Variants in DISC1 observed in about 807,000 individuals in gnomAD.
DISC1 encodes the protein DISC1 scaffold protein.
DISC1 carries 57 observed loss-of-function variants against 84.5 expected under a neutral mutation model. The observed-to-expected ratio is 0.67, with a 90% CI of 0.55 to 0.84. The LOEUF (loss-of-function observed/expected upper bound fraction) is 0.84. DISC1 is among the 40% of genes least tolerant of loss of function. The pLI is 0.00. For missense variants in DISC1, 1,000 were observed against 1,057.8 expected (o/e 0.95, Z 0.76); for synonymous variants, 411 against 415.2 (o/e 0.99, Z 0.12).
intron 9 of DISC1, among the ~76,000 whole-genome samples, chr1:231,873,690 C>A (rs2085634857): frequency 6.6e-6 from 1 of 152,136 alleles, no homozygotes; most frequent in South Asian, 2.1e-4. Flanking sequence ...ATAATTAGAT[C>A]ATTCCCGCAG....
At chr1:231,668,615 CT>C (rs1558287151) in intron 1 of DISC1, among the ~76,000 whole-genome samples, 1 of 152,152 alleles carries the variant, frequency 6.6e-6, no homozygotes. Context: ...TCTCATTTCC[CT>C]TTGTTATAAA....
intron 9 of DISC1, among the ~76,000 whole-genome samples, chr1:231,832,963 C>G (rs182047689): frequency 2.5e-5 from 2 of 78,754 alleles, no homozygotes; most frequent in African/African-American, 4.4e-5. Context: ...TGGCATTGAG[C>G]AGGCTAAGGG....
At chr1:231,880,756 TGG>T (rs3084383) in intron 9 of DISC1, among the ~76,000 whole-genome samples, 135,293 of 150,720 alleles carry the variant, frequency 0.9, 60,617 homozygotes, top group East Asian at 0.99. Flanking sequence ...CAAGGCAAGG[TGG>T]GGGGGGGGTG....
chr1:231,988,910 C>T (rs1412304209), intron 10 of DISC1, among the ~76,000 whole-genome samples: 2 of 152,192 alleles, frequency 1.3e-5, no homozygotes, highest in African/African-American at 4.8e-5. Flanking sequence ...GTGCCATGTG[C>T]CCCGAACAAT....
chr1:231,673,928 CATG>C (rs2062875700), intron 1 of DISC1, among the ~76,000 whole-genome samples: 2 of 152,212 alleles, frequency 1.3e-5, no homozygotes, highest in African/African-American at 4.8e-5. Context: ...TGCTCTAAGA[CATG>C]TGCATTTATC....
chr1:232,017,730 T>A (rs1668616262), intron 11 of DISC1, among the ~76,000 whole-genome samples: 1 of 152,152 alleles, frequency 6.6e-6, no homozygotes, highest in Non-Finnish European at 1.5e-5. Flanking sequence ...AGGGTGGAAG[T>A]AACTGATGAC....
At chr1:231,838,091 G>A (rs2082754147) in intron 9 of DISC1, among the ~76,000 whole-genome samples, 2 of 152,186 alleles carry the variant, frequency 1.3e-5, no homozygotes, top group Admixed American at 1.3e-4. Context: ...GGTCTCTACA[G>A]TTTTGAAATT....
chr1:231,777,388 T>C (rs899342928), intron 6 of DISC1, among the ~76,000 whole-genome samples: 4 of 152,130 alleles, frequency 2.6e-5, no homozygotes, highest in Admixed American at 6.5e-5. Flanking sequence ...GCCAGGCTAA[T>C]TTTTTAATTT....
chr1:231,972,141 A>G (rs1288595543), intron 10 of DISC1, among the ~76,000 whole-genome samples: 1 of 152,236 alleles, frequency 6.6e-6, no homozygotes, highest in East Asian at 1.9e-4. Context: ...GTCTGTCTCT[A>G]GAATTTTCTT....
chr1:231,826,775 T>C lies in DISC1; in HGVS notation c.1981+8258T>C, dbSNP rs1219338588. Among the ~76,000 whole-genome samples the C allele has an allele frequency of 2.0e-5, 3 of 152,212 alleles. No individual in the cohort carries two copies. Among genetic ancestry groups the C allele is most frequent in the Non-Finnish European group, 4.4e-5 (3 of 68,022 alleles). On this transcript the variant is annotated intron_variant, in intron 9 of 12. Coordinates refer to ENST00000439617, the MANE Select transcript of DISC1 (RefSeq NM_018662.3). The surrounding 1 kb of genome is among the most constrained non-coding windows in gnomAD (Gnocchi z 4.2). The stretch of plus-strand genomic sequence containing the variant: ...TGCTTCCTGTTCTAAAATGCTGAAA[T>C]GGCAATCTTTTCCTTTGTATTCCTA...
intron 10 of DISC1, 133 bp downstream of exon 10, chr1:231,959,021 C>A: frequency 6.9e-7 from 1 of 1,440,896 alleles, no homozygotes. Context: ...CACAAAAAAG[C>A]CTTTTGAACC....
At chr1:231,656,980 T>G (rs2061152392) in intron 1 of DISC1, among the ~76,000 whole-genome samples, 1 of 152,274 alleles carries the variant, frequency 6.6e-6, no homozygotes, top group South Asian at 2.1e-4. Context: ...TTCCTTTTTA[T>G]GGCTGCATAG....
intron 5 of DISC1, among the ~76,000 whole-genome samples, chr1:231,770,497 G>A (rs182393000): frequency 6.6e-4 from 100 of 152,246 alleles, no homozygotes; most frequent in Middle Eastern, 3.4e-3. Flanking sequence ...GACCTCAGGT[G>A]CATGAGGCTC....
rs1013723432 is a variant in DISC1 at position 231,739,600 on chromosome 1, C to T, written c.1118-10326C>T. On this transcript the variant is annotated intron_variant, in intron 3 of 12. Transcript: ENST00000439617. ...CTGCACAGGAAGAGACGAGAAGGCC[C>T]ATTTATGATTTTGACCCCAGTCCCA... 2.6e-5 allele frequency among the ~76,000 whole-genome samples: 4 copies of T among 152,322 alleles called. No individual in the cohort carries two copies. The South Asian group carries it at 6.2e-4, about 24-fold the overall frequency.
In DISC1 at chr1:231,750,275, A is replaced by G. The variant is rs1028884496; in HGVS notation, c.1268+199A>G. On this transcript the variant is annotated intron_variant, in intron 4 of 12. Transcript: ENST00000439617. The stretch of plus-strand genomic sequence containing the variant: ...TGTGGGTCATGCATCTCTAGAAAGA[A>G]GACTTTTCTGCCACTTGACAGAGAG... The G allele has an allele frequency of 2.0e-5, 28 of 1,381,376 alleles. No homozygotes were observed. The African/African-American group carries it at 3.9e-4, about 19-fold the overall frequency. 85.6% of individuals were successfully genotyped at this position (1,381,376 alleles called of 1,614,324 possible).
intron 3 of DISC1, chr1:231,722,810 AGGTGGGCATTTCTGCCCACTGTACC>A: frequency 6.9e-7 from 1 of 1,447,136 alleles, no homozygotes; most frequent in Non-Finnish European, 9.0e-7. Flanking sequence ...GAAAAAAACC[AGGTGGGCATTTCTGCCCACTGTACC>A]GTTTCTCCCA....
At chr1:231,634,901 A>G (rs556008353) in intron 1 of DISC1, among the ~76,000 whole-genome samples, 92 of 150,022 alleles carry the variant, frequency 6.1e-4, no homozygotes, top group African/African-American at 2.2e-3. Flanking sequence ...CAGCCTGGAC[A>G]ACATAGCAAG....
chr1:231,874,550 A>G (rs1269146577), intron 9 of DISC1, among the ~76,000 whole-genome samples: 1 of 152,128 alleles, frequency 6.6e-6, no homozygotes, highest in Non-Finnish European at 1.5e-5. Context: ...ATTCAAAAAC[A>G]CTTGTTTTCA....
Position 231,803,157 on chromosome 1 carries a change from G to A in DISC1, c.1792+2947G>A, listed in dbSNP as rs1377832917. 5.3e-5 allele frequency among the ~76,000 whole-genome samples: 8 copies of A among 152,156 alleles called. 1 individual carries two copies. In the South Asian group the frequency reaches 6.2e-4, roughly 12 times the overall value. The stretch of plus-strand genomic sequence containing the variant: ...GGGTGGGAGAATCCACACCCAAGAC[G>A]GTGCATACATATGGTCTGGCTGTTG... On this transcript the variant is annotated intron_variant, in intron 8 of 12. Coordinates refer to ENST00000439617, the MANE Select transcript of DISC1 (RefSeq NM_018662.3).
Sources: gnomAD v4.1 joint callset for allele counts (sites outside exome capture counted in the v4.1 genomes callset) on GRCh38, gnomAD v4.1.1 for gene constraint, Gnocchi (gnomAD v3.1) non-coding constraint, MANE v1.5 for transcripts, NCBI Gene and HGNC (gene_info 2026-07-23, HGNC 2026-07-21) for gene names.